The following TACR1 variants were observed in gnomAD, a reference collection of about 807,000 sequenced individuals.
TACR1 encodes the protein tachykinin receptor 1, also known as substance-P receptor.
In TACR1, 25 loss-of-function variants were observed where a neutral mutation model predicts 35.8. That is an observed-to-expected ratio of 0.70 (90% CI 0.51 to 0.98). The LOEUF is 0.98. Among genes scored for constraint, TACR1 ranks in the 50% least tolerant of loss-of-function variants. The pLI, the probability that TACR1 is intolerant of heterozygous loss-of-function variation, is 0.00. For synonymous variants in TACR1, 195 were observed against 206.7 expected (o/e 0.94, Z 0.48); for missense variants, 478 against 522.9 (o/e 0.91, Z 0.84).
chr2:75,152,728 A>C (rs1267188316), intron 1 of TACR1, among the ~76,000 whole-genome samples: 1 of 152,208 alleles, frequency 6.6e-6, no homozygotes, highest in Non-Finnish European at 1.5e-5. Context: ...ATCACTAAAC[A>C]GGTGTATAGA....
chr2:75,118,628 G>A lies in TACR1; in HGVS notation c.584+1946C>T, dbSNP rs143087961. Among the ~76,000 whole-genome samples, 1,179 of 152,216 alleles carry A rather than the reference G, an allele frequency of 7.7e-3. 13 individuals carry two copies. The highest frequency in any genetic ancestry group is 0.027 in the African/African-American group (1,124 of 41,516). On this transcript the variant is annotated intron_variant, in intron 2 of 4. Coordinates refer to ENST00000305249, the MANE Select transcript of TACR1 (RefSeq NM_001058.4). ...TTTGGAAAAGACCCCAGAGATCTGT[G>A]GGAAAATTAATCTTTATTTCCAAGT...
intron 2 of TACR1, among the ~76,000 whole-genome samples, chr2:75,084,935 C>T (rs551510366): frequency 1.4e-4 from 22 of 152,030 alleles, no homozygotes; most frequent in Middle Eastern, 3.4e-3. Flanking sequence ...CCTTCAGTTC[C>T]GCTCTGATCT....
intron 1 of TACR1, among the ~76,000 whole-genome samples, chr2:75,171,767 T>G (rs1176136329): frequency 6.6e-6 from 1 of 152,232 alleles, no homozygotes; most frequent in East Asian, 1.9e-4. Context: ...CCCTTTTGTT[T>G]TGGCCAATTT....
intron 1 of TACR1, among the ~76,000 whole-genome samples, chr2:75,156,676 A>C (rs1674867584): frequency 6.6e-6 from 1 of 151,784 alleles, no homozygotes; most frequent in African/African-American, 2.4e-5. Context: ...CAACACCTCG[A>C]TTTTGGACTT....
intron 1 of TACR1, among the ~76,000 whole-genome samples, chr2:75,170,822 C>T (rs549039032): frequency 1.3e-4 from 20 of 152,146 alleles, no homozygotes; most frequent in South Asian, 4.2e-4. Flanking sequence ...GGGCATCTGG[C>T]GGAAGAAATT....
intron 2 of TACR1, among the ~76,000 whole-genome samples, chr2:75,102,485 G>A (rs957300970): frequency 3.3e-5 from 5 of 151,844 alleles, no homozygotes; most frequent in Admixed American, 1.3e-4. Context: ...ATATATCTTG[G>A]TCTGAACATT....
chr2:75,062,506 A>G (rs1336971962), intron 2 of TACR1, among the ~76,000 whole-genome samples: 1 of 152,206 alleles, frequency 6.6e-6, no homozygotes, highest in African/African-American at 2.4e-5. Flanking sequence ...AATAGCTGCA[A>G]TAATGTTCTA....
intron 2 of TACR1, among the ~76,000 whole-genome samples, chr2:75,078,428 A>G (rs1673020003): frequency 6.6e-6 from 1 of 152,208 alleles, no homozygotes; most frequent in South Asian, 2.1e-4. Context: ...AGCCTAGCAC[A>G]GTACCTGCCT....
intron 1 of TACR1, among the ~76,000 whole-genome samples, chr2:75,124,846 G>A (rs1674042546): frequency 6.6e-6 from 1 of 152,202 alleles, no homozygotes; most frequent in African/African-American, 2.4e-5. Context: ...AGAAGATGGT[G>A]TGATATTCAG....
At chr2:75,148,209 A>G (rs895533881) in intron 1 of TACR1, among the ~76,000 whole-genome samples, 2 of 152,184 alleles carry the variant, frequency 1.3e-5, no homozygotes, top group Admixed American at 6.5e-5. Context: ...TAGTAGAATG[A>G]TTTATATTCC....
intron 1 of TACR1, among the ~76,000 whole-genome samples, chr2:75,176,635 A>G (rs1436405791): frequency 1.3e-5 from 2 of 152,146 alleles, no homozygotes; most frequent in Non-Finnish European, 2.9e-5. Context: ...GTTCCACAGC[A>G]GGACTTTGGG....
In TACR1 at chr2:75,095,109, A is replaced by G. The variant is rs117339575; in HGVS notation, c.584+25465T>C. 1.7e-3 allele frequency among the ~76,000 whole-genome samples: 262 copies of G among 152,046 alleles called. 7 individuals are homozygous for G. In the East Asian group the frequency reaches 0.048, roughly 28 times the overall value. ...GGGAATTGTGTCCCTTGGTTCTTCC[A>G]TAGGGTCTGTTCCTGTGTTTAGTAC... On this transcript the variant is annotated intron_variant, in intron 2 of 4. Coordinates refer to ENST00000305249, the MANE Select transcript of TACR1 (RefSeq NM_001058.4).
chr2:75,117,898 T>G (rs2103901313), intron 2 of TACR1, among the ~76,000 whole-genome samples: 1 of 152,358 alleles, frequency 6.6e-6, no homozygotes, highest in South Asian at 2.1e-4. Context: ...ATGCATATCA[T>G]TTTCCCACCA....
intron 2 of TACR1, among the ~76,000 whole-genome samples, chr2:75,085,317 C>A (rs1237158227): frequency 6.6e-6 from 1 of 152,108 alleles, no homozygotes; most frequent in East Asian, 1.9e-4. Context: ...CAGCCCAGAA[C>A]TCCTTGGGGA....
At chr2:75,051,136 C>T in intron 4 of TACR1, 115 bp downstream of exon 4, 1 of 1,347,008 alleles carries the variant, frequency 7.4e-7, no homozygotes, top group Non-Finnish European at 1.0e-6. Flanking sequence ...GCTGCAGTCC[C>T]CACTTGTCCC....
chr2:75,051,194 C>G (rs202125238), intron 4 of TACR1, 57 bp downstream of exon 4: 9 of 1,611,484 alleles, frequency 5.6e-6, no homozygotes, highest in Non-Finnish European at 7.6e-6. Flanking sequence ...CGCTTGGCCA[C>G]TGTGTATGTA....
In TACR1 at chr2:75,120,720, G is replaced by A. The variant is rs74756748; in HGVS notation, c.438C>T (p.Ala146=). 2 of 1,613,884 alleles carry A rather than the reference G, an allele frequency of 1.2e-6. No homozygotes were observed. Among genetic ancestry groups the A allele is most frequent in the Non-Finnish European group, 1.7e-6 (2 of 1,179,946 alleles). ...HPLQPRLSAT[A]TKVVICVIWV... ...AGATGACACAGATGACCACTTTGGTGGCTGTGGCTGACAGCCGGGGCTGGA... is the reference window on the plus strand; with the variant it reads ...AGATGACACAGATGACCACTTTGGTAGCTGTGGCTGACAGCCGGGGCTGGA... Residue 146 remains alanine, a synonymous_variant, in exon 2 of 5, where the codon GCC becomes GCT. Transcript: ENST00000305249.
chr2:75,162,444 C>T (rs1192258061), intron 1 of TACR1, among the ~76,000 whole-genome samples: 2 of 152,166 alleles, frequency 1.3e-5, no homozygotes, highest in African/African-American at 4.8e-5. Context: ...TGGAAGAGTG[C>T]CAGTGCCTTC....
chr2:75,122,290 C>A (rs1356798327), intron 1 of TACR1, among the ~76,000 whole-genome samples: 4 of 152,096 alleles, frequency 2.6e-5, no homozygotes, highest in African/African-American at 9.7e-5. Flanking sequence ...AGCATCCTGC[C>A]CCAACGGGAG....
Sources: gnomAD v4.1 joint callset for allele counts (sites outside exome capture counted in the v4.1 genomes callset) on GRCh38, gnomAD v4.1.1 for gene constraint, MANE v1.5 for transcripts, NCBI Gene and HGNC (gene_info 2026-07-23, HGNC 2026-07-21) for gene names.